IL31RA: variants seen among roughly 807,000 people sequenced by gnomAD.
The protein encoded by IL31RA is interleukin 31 receptor A, also known as interleukin-31 receptor subunit alpha.
Under a neutral mutation model 83.7 loss-of-function variants are expected in IL31RA, and 66 were observed. The observed-to-expected ratio is 0.79, with a 90% CI of 0.65 to 0.97. The LOEUF (loss-of-function observed/expected upper bound fraction) is 0.97, where lower values mean the gene tolerates loss of function less well. Among genes scored for constraint, IL31RA ranks in the 50% least tolerant of loss-of-function variants. IL31RA has a pLI of 0.00. For synonymous variants in IL31RA, 325 were observed against 329.0 expected (o/e 0.99, Z 0.13); for missense variants, 798 against 919.4 (o/e 0.87, Z 1.71).
chr5:55,913,953 A>G (rs1749642857), intron 13 of IL31RA, among the ~76,000 whole-genome samples: 1 of 152,232 alleles, frequency 6.6e-6, no homozygotes, highest in South Asian at 2.1e-4. Flanking sequence ...TGTCTCAGGC[A>G]GAGCGGGGAG....
At chr5:55,867,167 GCA>G (rs1298622190) in intron 2 of IL31RA, among the ~76,000 whole-genome samples, 124 of 64,726 alleles carry the variant, frequency 1.9e-3, no homozygotes, top group African/African-American at 6.7e-3. Flanking sequence ...TTGTGTGTGT[GCA>G]TGTGTGTGTG....
rs965784286 is a variant in IL31RA at position 55,919,432 on chromosome 5, A to G, written c.*2312A>G. 1.3e-5 allele frequency among the ~76,000 whole-genome samples: 2 copies of G among 152,172 alleles called. No homozygotes were observed. The highest frequency in any genetic ancestry group is 4.8e-5 in the African/African-American group (2 of 41,434). On this transcript the variant is annotated 3_prime_UTR_variant, in exon 15 of 15. Transcript: ENST00000652347. ...GTTGCCCTCTGGCCCCTGCTCCTTCATCATCAAAGCTGGAAGCGTCTTTTG... is the reference window on the plus strand; with the variant it reads ...GTTGCCCTCTGGCCCCTGCTCCTTCGTCATCAAAGCTGGAAGCGTCTTTTG...
intron 2 of IL31RA, among the ~76,000 whole-genome samples, chr5:55,867,281 G>GCA (rs1321322416): frequency 2.3e-4 from 26 of 112,354 alleles, no homozygotes; most frequent in Non-Finnish European, 4.0e-4. Context: ...GTGTGTGCAT[G>GCA]TGTGTGTGCA....
At chr5:55,888,518 AAAG>A (rs1747781440) in intron 5 of IL31RA, among the ~76,000 whole-genome samples, 2 of 152,356 alleles carry the variant, frequency 1.3e-5, no homozygotes, top group African/African-American at 4.8e-5. Flanking sequence ...GAAAGGTTAA[AAAG>A]AAGAATATTA....
chr5:55,867,178 T>TGC (rs1561543120), intron 2 of IL31RA, among the ~76,000 whole-genome samples: 2 of 78,002 alleles, frequency 2.6e-5, no homozygotes, highest in South Asian at 6.1e-4. Flanking sequence ...CATGTGTGTG[T>TGC]GCATGTGTGT....
upstream of IL31RA, among the ~76,000 whole-genome samples, chr5:55,847,853 C>G (rs1744973097): frequency 6.6e-6 from 1 of 152,228 alleles, no homozygotes; most frequent in African/African-American, 2.4e-5. Flanking sequence ...GTGACAGTTT[C>G]TCAGTCTTTC....
intron 2 of IL31RA, among the ~76,000 whole-genome samples, chr5:55,863,918 ACAGGAAAGAG>A (rs140392501): frequency 0.069 from 10,512 of 152,222 alleles, 543 homozygotes; most frequent in African/African-American, 0.15. Flanking sequence ...TTAAGGAAGA[ACAGGAAAGAG>A]CAGGATTCAC....
At position 55,869,016 on chromosome 5, in the gene IL31RA, A is replaced by G. The variant is rs1746356164; in HGVS notation, c.272+108A>G. On this transcript the variant is annotated intron_variant, in intron 3 of 14. Coordinates refer to ENST00000652347, the MANE Select transcript of IL31RA (RefSeq NM_139017.7). ...TGAAGCAAAAAGTTTCCTCAATGAC[A>G]GCTTCTGGGTGATTACTGTGTGCAG... is the stretch of plus-strand genomic sequence containing the variant. 3 of 772,274 alleles carry G rather than the reference A, an allele frequency of 3.9e-6. No homozygotes were observed. The South Asian group carries it at 4.1e-5, about 10-fold the overall frequency. 47.8% of individuals were successfully genotyped at this position (772,274 alleles called of 1,614,324 possible). A position where few individuals can be genotyped will look rare whatever the true frequency, so the allele number is the denominator to read the frequency against.
At chr5:55,915,563 A>G (rs753286926) in intron 14 of IL31RA, among the ~76,000 whole-genome samples, 2 of 152,218 alleles carry the variant, frequency 1.3e-5, no homozygotes, top group Non-Finnish European at 2.9e-5. Context: ...TAACCTTTAA[A>G]TCCTTGTTAC....
Position 55,918,213 on chromosome 5 carries a change from T to G in IL31RA, c.*1093T>G, listed in dbSNP as rs1749898428. Reference sequence around the variant, plus strand: ...TCCCTTGACCTTTGTGGGAGGCCACTAGGAGGCTGGTGAGATCAGGGCAGG... The same window carrying G: ...TCCCTTGACCTTTGTGGGAGGCCACGAGGAGGCTGGTGAGATCAGGGCAGG... On this transcript the variant is annotated 3_prime_UTR_variant, in exon 15 of 15. Coordinates refer to ENST00000652347, the MANE Select transcript of IL31RA (RefSeq NM_139017.7). 6.6e-6 allele frequency among the ~76,000 whole-genome samples: 1 copy of G among 152,124 alleles called. No individual in the cohort carries two copies. The highest frequency in any genetic ancestry group is 6.5e-5 in the Admixed American group (1 of 15,270).
At chr5:55,863,870 T>C (rs1391695645) in intron 2 of IL31RA, among the ~76,000 whole-genome samples, 3 of 152,212 alleles carry the variant, frequency 2.0e-5, no homozygotes, top group African/African-American at 4.8e-5. Flanking sequence ...TTCTCATATA[T>C]GTTAACCAAA....
At chr5:55,883,676 C>T (rs960159146) in intron 5 of IL31RA, among the ~76,000 whole-genome samples, 7 of 152,180 alleles carry the variant, frequency 4.6e-5, no homozygotes, top group Non-Finnish European at 7.4e-5. Flanking sequence ...CCCCTGCTTA[C>T]CCTTTGCTCA....
intron 7 of IL31RA, among the ~76,000 whole-genome samples, chr5:55,898,810 G>A (rs1325072895): frequency 6.6e-6 from 1 of 152,032 alleles, no homozygotes; most frequent in African/African-American, 2.4e-5. Flanking sequence ...GATCACTTGA[G>A]GTCAGAAGTT....
intron 9 of IL31RA, 90 bp downstream of exon 9, chr5:55,906,378 TGTTAGTGTGGTTA>T (rs1749159060): frequency 8.1e-7 from 1 of 1,229,284 alleles, no homozygotes; most frequent in African/African-American, 1.5e-5. Flanking sequence ...GCTTCAAAGC[TGTTAGTGTGGTTA>T]ATAGCATTTG....
rs1745071804 is a variant in IL31RA, at chr5:55,851,566, T to C, written c.-5T>C. ...GAGTGTCAGCTTGTTCCACCTCAGC[T>C]GGGAATGTGCATCAGGCAACTCAAG... On this transcript the variant is annotated 5_prime_UTR_variant, in exon 1 of 15. Coordinates refer to ENST00000652347, the MANE Select transcript of IL31RA (RefSeq NM_139017.7). The C allele has an allele frequency of 6.2e-7, 1 of 1,614,044 alleles. No individual in the cohort carries two copies. The highest frequency in any genetic ancestry group is 1.7e-4 in the Middle Eastern group (1 of 6,058).
intron 2 of IL31RA, among the ~76,000 whole-genome samples, chr5:55,867,521 T>A (rs1423568697): frequency 6.6e-6 from 1 of 152,166 alleles, no homozygotes; most frequent in Non-Finnish European, 1.5e-5. Context: ...TCTGGTAATA[T>A]GTGGTCTTCT....
chr5:55,912,388 GC>G (rs1749548539), intron 12 of IL31RA, among the ~76,000 whole-genome samples: 1 of 152,262 alleles, frequency 6.6e-6, no homozygotes, highest in Middle Eastern at 3.4e-3. Context: ...CTGCTTCAAA[GC>G]TTTTGCATCC....
chr5:55,899,611 G>A (rs148664022), intron 7 of IL31RA, among the ~76,000 whole-genome samples: 3 of 152,326 alleles, frequency 2.0e-5, no homozygotes, highest in East Asian at 1.9e-4. Flanking sequence ...TCCTTTACAC[G>A]AGTGGGATGG....
chr5:55,852,466 C>A (rs1182388820), intron 1 of IL31RA, among the ~76,000 whole-genome samples: 12 of 152,142 alleles, frequency 7.9e-5, no homozygotes, highest in African/African-American at 2.7e-4. Flanking sequence ...GCCACCACGC[C>A]TGGCTGGAAT....
Sources: gnomAD v4.1 joint callset for allele counts (sites outside exome capture counted in the v4.1 genomes callset) on GRCh38, gnomAD v4.1.1 for gene constraint, MANE v1.5 for transcripts, NCBI Gene and HGNC (gene_info 2026-07-23, HGNC 2026-07-21) for gene names.